The following NR2F1-AS1 variants were observed in gnomAD, a reference collection of about 807,000 sequenced individuals.
NR2F1-AS1 encodes the protein NR2F1 antisense RNA 1.
chr5:93,445,649 G>C (rs919823734), intron 4 of NR2F1-AS1, among the ~76,000 whole-genome samples: 3 of 152,018 alleles, frequency 2.0e-5, no homozygotes, highest in African/African-American at 7.2e-5. Flanking sequence ...CATTCCTTCT[G>C]AAAGTATTCC....
chr5:93,496,928 A>G (rs969087274), intron 4 of NR2F1-AS1, among the ~76,000 whole-genome samples: 2 of 152,214 alleles, frequency 1.3e-5, no homozygotes, highest in African/African-American at 4.8e-5. Context: ...TTTTACTGTG[A>G]ATACAGAAAA....
chr5:93,435,951 C>T (rs1253228087), intron 4 of NR2F1-AS1, among the ~76,000 whole-genome samples: 1 of 152,182 alleles, frequency 6.6e-6, no homozygotes, highest in East Asian at 1.9e-4. Flanking sequence ...GTAGATGTTA[C>T]CCACCCTACT....
intron 4 of NR2F1-AS1, among the ~76,000 whole-genome samples, chr5:93,504,683 A>G (rs951664173): frequency 6.6e-6 from 1 of 152,182 alleles, no homozygotes; most frequent in Non-Finnish European, 1.5e-5. Context: ...AGGAAGAAGC[A>G]AAAGTGGAAA....
chr5:93,550,098 A>T (rs1264500143), intron 4 of NR2F1-AS1, among the ~76,000 whole-genome samples: 1 of 151,886 alleles, frequency 6.6e-6, no homozygotes, highest in Non-Finnish European at 1.5e-5. Context: ...CATGTATCCC[A>T]GAACTTAAAG....
chr5:93,436,918 T>C (rs1580221753), intron 4 of NR2F1-AS1, among the ~76,000 whole-genome samples: 1 of 151,844 alleles, frequency 6.6e-6, no homozygotes, highest in East Asian at 1.9e-4. Context: ...AGCCCTAATT[T>C]ACCTTCCAAG....
chr5:93,469,003 T>A (rs1358900426), intron 4 of NR2F1-AS1, among the ~76,000 whole-genome samples: 2 of 152,212 alleles, frequency 1.3e-5, no homozygotes, highest in Non-Finnish European at 2.9e-5. Context: ...TCCACTGATG[T>A]ATATGTCACC....
intron 4 of NR2F1-AS1, among the ~76,000 whole-genome samples, chr5:93,484,480 C>A (rs1417857554): frequency 6.6e-6 from 1 of 152,148 alleles, no homozygotes; most frequent in African/African-American, 2.4e-5. Flanking sequence ...AAAACTGGTA[C>A]CAGCCAATAT....
At chr5:93,512,114 A>G (rs1053519655) in intron 4 of NR2F1-AS1, among the ~76,000 whole-genome samples, 4 of 152,204 alleles carry the variant, frequency 2.6e-5, no homozygotes, top group Non-Finnish European at 4.4e-5. Context: ...AGAAGGCATT[A>G]TTATCATAGA....
chr5:93,445,572 A>C (rs1201041315), intron 4 of NR2F1-AS1, among the ~76,000 whole-genome samples: 1 of 152,172 alleles, frequency 6.6e-6, no homozygotes. Flanking sequence ...ACCAATCAAA[A>C]AAAAAAATCC....
upstream of NR2F1-AS1, chr5:93,585,260 G>C (rs199844882): frequency 8.6e-4 from 1,364 of 1,584,950 alleles, 1 homozygote; most frequent in Non-Finnish European, 1.1e-3. Context: ...GTTCGGGCCA[G>C]AGCCAGCAGC....
intron 4 of NR2F1-AS1, among the ~76,000 whole-genome samples, chr5:93,457,449 T>G (rs889932796): frequency 6.6e-6 from 1 of 152,136 alleles, no homozygotes; most frequent in Non-Finnish European, 1.5e-5. Context: ...GGGTTAAGGG[T>G]AGGGTTACAG....
chr5:93,508,001 T>A (rs1188460874), intron 4 of NR2F1-AS1, among the ~76,000 whole-genome samples: 1 of 152,134 alleles, frequency 6.6e-6, no homozygotes, highest in Admixed American at 6.5e-5. Flanking sequence ...ACATATACCA[T>A]GTTGGTAGAT....
At chr5:93,585,049 G>A (rs1355609849), upstream of NR2F1-AS1, 1 of 1,036,060 alleles carries the variant, frequency 9.7e-7, no homozygotes, top group Admixed American at 4.9e-5. Context: ...AGCAGCTGGC[G>A]AGATCCGCAG....
At chr5:93,581,976 CTCTCTCTCTCTCTCCCCTCTCCTCTCT>C (rs1491256248), upstream of NR2F1-AS1, among the ~76,000 whole-genome samples, 1 of 100,264 alleles carries the variant, frequency 1.0e-5, no homozygotes, top group Non-Finnish European at 2.1e-5. Flanking sequence ...TCTCTCTCTC[CTCTCTCTCTCTCTCCCCTCTCCTCTCT>C]TCTCTCTCTC....
intron 1 of NR2F1-AS1, among the ~76,000 whole-genome samples, chr5:93,578,531 C>T (rs1752947984): frequency 3.9e-5 from 6 of 152,048 alleles, no homozygotes. Flanking sequence ...CCCGCCAAAC[C>T]GAAAGAGAGA....
intron 4 of NR2F1-AS1, among the ~76,000 whole-genome samples, chr5:93,449,352 T>A (rs1021196046): frequency 6.6e-6 from 1 of 152,118 alleles, no homozygotes; most frequent in Non-Finnish European, 1.5e-5. Context: ...TTCCCTCAAC[T>A]AACACTCCAA....
chr5:93,583,793 C>T (rs1753172672), upstream of NR2F1-AS1: 1 of 152,182 alleles, frequency 6.6e-6, no homozygotes, highest in Admixed American at 6.5e-5. Flanking sequence ...ATGTCTCTCT[C>T]GCTTTTCCTT....
intron 4 of NR2F1-AS1, among the ~76,000 whole-genome samples, chr5:93,522,069 G>C (rs113186511): frequency 1.3e-5 from 2 of 152,292 alleles, no homozygotes; most frequent in African/African-American, 2.4e-5. Flanking sequence ...AACATGGATG[G>C]AGCTGGATGT....
intron 4 of NR2F1-AS1, among the ~76,000 whole-genome samples, chr5:93,531,358 TG>T (rs1321503063): frequency 6.6e-6 from 1 of 152,120 alleles, no homozygotes; most frequent in Non-Finnish European, 1.5e-5. Context: ...TCAGACTTTA[TG>T]AAGCACATTG....
Sources: gnomAD v4.1 joint callset for allele counts (sites outside exome capture counted in the v4.1 genomes callset) on GRCh38, gnomAD v4.1.1 for gene constraint, MANE v1.5 for transcripts, NCBI Gene and HGNC (gene_info 2026-07-23, HGNC 2026-07-21) for gene names.